Variants in CAMK1D observed in about 807,000 individuals in gnomAD.
CAMK1D encodes calcium/calmodulin dependent protein kinase ID.
CAMK1D carries 9 observed loss-of-function variants against 47.7 expected under a neutral mutation model. The ratio of observed to expected loss-of-function variants is 0.19; its 90% CI spans 0.11 to 0.33. CAMK1D has a LOEUF of 0.33. Ranked by LOEUF, CAMK1D falls within the 10% of genes least tolerant of loss-of-function variation. The pLI is 1.00. For missense variants in CAMK1D, 291 were observed against 488.7 expected (o/e 0.60, Z 3.81); for synonymous variants, 184 against 184.9 (o/e 0.99, Z 0.04).
chr10:12,615,809 C>CGT (rs1299170580), intron 2 of CAMK1D, among the ~76,000 whole-genome samples: 8 of 148,024 alleles, frequency 5.4e-5, no homozygotes, highest in Non-Finnish European at 1.2e-4. Context: ...GTGTTGTGTG[C>CGT]GTGTGTATAG....
intron 5 of CAMK1D, among the ~76,000 whole-genome samples, chr10:12,774,878 C>G (rs1472840790): frequency 6.6e-6 from 1 of 152,262 alleles, no homozygotes; most frequent in East Asian, 1.9e-4. Flanking sequence ...AAACCATCCC[C>G]AATACCGTAT....
chr10:12,589,815 GTAA>G (rs1302850729), intron 2 of CAMK1D, among the ~76,000 whole-genome samples: 1 of 152,150 alleles, frequency 6.6e-6, no homozygotes, highest in Non-Finnish European at 1.5e-5. Flanking sequence ...CAGTTATTTA[GTAA>G]TTTCTGAGTC....
chr10:12,587,762 C>T (rs1837863774), intron 2 of CAMK1D, among the ~76,000 whole-genome samples: 1 of 152,070 alleles, frequency 6.6e-6, no homozygotes, highest in African/African-American at 2.4e-5. Flanking sequence ...AATATTTTCC[C>T]CCTTGTCTTA....
At chr10:12,483,657 C>T (rs559540286) in intron 1 of CAMK1D, among the ~76,000 whole-genome samples, 1 of 151,936 alleles carries the variant, frequency 6.6e-6, no homozygotes, top group South Asian at 2.1e-4. Flanking sequence ...AGTCATCACA[C>T]CTGGCCTCTA....
intron 1 of CAMK1D, among the ~76,000 whole-genome samples, chr10:12,383,148 T>C (rs1647688145): frequency 6.6e-6 from 1 of 152,120 alleles, no homozygotes; most frequent in South Asian, 2.1e-4. Context: ...GGTTTCCGGG[T>C]GTAGTTTTTT....
intron 3 of CAMK1D, among the ~76,000 whole-genome samples, chr10:12,677,170 G>A (rs915970208): frequency 5.3e-5 from 8 of 152,258 alleles, no homozygotes; most frequent in African/African-American, 1.9e-4. Context: ...GGGGGTCACC[G>A]CTGTTAGCTG....
intron 1 of CAMK1D, among the ~76,000 whole-genome samples, chr10:12,441,982 A>G (rs1030085813): frequency 6.6e-6 from 1 of 152,206 alleles, no homozygotes; most frequent in Non-Finnish European, 1.5e-5. Context: ...AGTTGTATAA[A>G]ATAAATTTTC....
Position 12,501,574 on chromosome 10 carries a change from T to C in CAMK1D, c.93-51651T>C, listed in dbSNP as rs564258742. Reference sequence around the variant, plus strand: ...GGAGGAAATAAAAAGAAATGAAGAATGTGGACTCTGTTCACCAGGAATTCC... The same window carrying C: ...GGAGGAAATAAAAAGAAATGAAGAACGTGGACTCTGTTCACCAGGAATTCC... On this transcript the variant is annotated intron_variant, in intron 1 of 10. Coordinates refer to ENST00000619168, the MANE Select transcript of CAMK1D (RefSeq NM_153498.4). 2.0e-4 allele frequency among the ~76,000 whole-genome samples: 30 copies of C among 152,340 alleles called. No homozygotes were observed. In the South Asian group the frequency reaches 5.4e-3, roughly 27 times the overall value.
At chr10:12,548,303 G>A (rs995611844) in intron 1 of CAMK1D, among the ~76,000 whole-genome samples, 11 of 152,100 alleles carry the variant, frequency 7.2e-5, no homozygotes, top group African/African-American at 2.7e-4. Context: ...TTCTCCTTTA[G>A]GGAGGTATTG....
At chr10:12,625,052 C>T (rs1481807265) in intron 2 of CAMK1D, among the ~76,000 whole-genome samples, 1 of 151,722 alleles carries the variant, frequency 6.6e-6, no homozygotes, top group Non-Finnish European at 1.5e-5. Context: ...AACAGAGTTA[C>T]CTGGCTGGGC....
chr10:12,828,624 G>T lies in CAMK1D; in HGVS notation c.1040-145G>T, dbSNP rs1833343056. The T allele has an allele frequency of 6.3e-6, 4 of 638,756 alleles. No homozygotes were observed. In the Admixed American group the frequency reaches 1.2e-4, roughly 19 times the overall value. 39.6% of individuals were successfully genotyped at this position (638,756 alleles called of 1,614,324 possible). ...CCACTGCACTCCAGCCTGGTGAAAAGAGTGAAACTCCATCTCAAGAAAAAA... is the reference window on the plus strand; with the variant it reads ...CCACTGCACTCCAGCCTGGTGAAAATAGTGAAACTCCATCTCAAGAAAAAA... On this transcript the variant is annotated intron_variant, in intron 10 of 10. Coordinates refer to ENST00000619168, the MANE Select transcript of CAMK1D (RefSeq NM_153498.4).
chr10:12,461,362 A>C (rs1833416535), intron 1 of CAMK1D, among the ~76,000 whole-genome samples: 1 of 152,176 alleles, frequency 6.6e-6, no homozygotes, highest in Non-Finnish European at 1.5e-5. Context: ...CTGATTCTTT[A>C]ATGCTTTTTA....
chr10:12,417,065 T>A (rs1839876423), intron 1 of CAMK1D, among the ~76,000 whole-genome samples: 1 of 152,170 alleles, frequency 6.6e-6, no homozygotes, highest in African/African-American at 2.4e-5. Context: ...AGCCTCTCTG[T>A]CCTCATCTGT....
intron 2 of CAMK1D, among the ~76,000 whole-genome samples, chr10:12,653,406 A>T (rs1840033980): frequency 6.6e-6 from 1 of 152,248 alleles, no homozygotes; most frequent in South Asian, 2.1e-4. Flanking sequence ...AAAATAAGAA[A>T]TTATGTTTAA....
chr10:12,385,739 CTTTTTTTTTTT>C (rs71384318), intron 1 of CAMK1D, among the ~76,000 whole-genome samples: 1,705 of 100,570 alleles, frequency 0.017, 20 homozygotes, highest in Middle Eastern at 0.036. Context: ...TTGAATTGTA[CTTTTTTTTTTT>C]TTTTTTTTTT....
intron 1 of CAMK1D, among the ~76,000 whole-genome samples, chr10:12,359,885 T>A (rs1224712408): frequency 6.6e-6 from 1 of 152,244 alleles, no homozygotes; most frequent in Admixed American, 6.5e-5. Flanking sequence ...ACCATTTATT[T>A]AAAATACCCT....
chr10:12,565,748 AG>A (rs1269538824), intron 2 of CAMK1D, among the ~76,000 whole-genome samples: 1 of 152,090 alleles, frequency 6.6e-6, no homozygotes, highest in Non-Finnish European at 1.5e-5. Context: ...GACTTATTTA[AG>A]ACATTTTTAG....
At chr10:12,523,488 A>G (rs981533772) in intron 1 of CAMK1D, among the ~76,000 whole-genome samples, 2 of 152,136 alleles carry the variant, frequency 1.3e-5, no homozygotes, top group East Asian at 1.9e-4. Flanking sequence ...TCCGTCTGCA[A>G]TCCCGGCACC....
intron 5 of CAMK1D, among the ~76,000 whole-genome samples, chr10:12,788,552 C>G (rs955402075): frequency 3.9e-5 from 6 of 152,240 alleles, no homozygotes; most frequent in African/African-American, 1.2e-4. Flanking sequence ...GGGACACTTT[C>G]CATCAGGCCA....
Sources: gnomAD v4.1 joint callset for allele counts (sites outside exome capture counted in the v4.1 genomes callset) on GRCh38, gnomAD v4.1.1 for gene constraint, MANE v1.5 for transcripts, NCBI Gene and HGNC (gene_info 2026-07-23, HGNC 2026-07-21) for gene names.